TNIK: variants seen among roughly 807,000 people sequenced by gnomAD.
The protein encoded by TNIK is TRAF2 and NCK-interacting protein kinase.
In TNIK, 49 loss-of-function variants were observed where a neutral mutation model predicts 191.3. The observed-to-expected ratio is 0.26, with a 90% CI of 0.20 to 0.32. The LOEUF (loss-of-function observed/expected upper bound fraction) is 0.32, where lower values mean the gene tolerates loss of function less well. TNIK is among the 10% of genes least tolerant of loss of function. The pLI, the probability that TNIK is intolerant of heterozygous loss-of-function variation, is 1.00. For synonymous variants in TNIK, 594 were observed against 600.9 expected (o/e 0.99, Z 0.17); for missense variants, 1,155 against 1,702.3 (o/e 0.68, Z 5.66).
intron 7 of TNIK, among the ~76,000 whole-genome samples, chr3:171,181,571 CA>C (rs1281153866): frequency 6.6e-6 from 1 of 152,222 alleles, no homozygotes; most frequent in African/African-American, 2.4e-5. Flanking sequence ...GAGACATAAG[CA>C]AACATCTTCT....
At chr3:171,251,671 C>G (rs1286207526) in intron 2 of TNIK, among the ~76,000 whole-genome samples, 1 of 152,012 alleles carries the variant, frequency 6.6e-6, no homozygotes, top group Non-Finnish European at 1.5e-5. Flanking sequence ...AATAATGTAC[C>G]CAATTTTATT....
chr3:171,222,297 T>TG (rs1178609660), intron 3 of TNIK, among the ~76,000 whole-genome samples: 1 of 152,136 alleles, frequency 6.6e-6, no homozygotes, highest in Non-Finnish European at 1.5e-5. Flanking sequence ...CCATGAGGCT[T>TG]GGGCAAGTTT....
intron 4 of TNIK, among the ~76,000 whole-genome samples, chr3:171,196,824 G>A (rs892167729): frequency 2.0e-5 from 3 of 151,876 alleles, no homozygotes; most frequent in East Asian, 1.9e-4. Context: ...GCGCGATCTC[G>A]GCTCACTGCA....
chr3:171,324,824 C>T (rs980487728), intron 2 of TNIK, among the ~76,000 whole-genome samples: 3 of 152,038 alleles, frequency 2.0e-5, no homozygotes, highest in East Asian at 1.9e-4. Flanking sequence ...CAGGGCCGGG[C>T]GCGGTGGCTC....
At chr3:171,285,479 A>T (rs1349382891) in intron 2 of TNIK, among the ~76,000 whole-genome samples, 2 of 152,198 alleles carry the variant, frequency 1.3e-5, no homozygotes, top group African/African-American at 4.8e-5. Context: ...GCTGGATCCT[A>T]ATGCCAGCAG....
Position 171,062,447 on chromosome 3 carries a change from C to T in TNIK, c.*1434G>A, listed in dbSNP as rs780528816. 2.0e-5 allele frequency: 3 copies of T among 151,880 alleles called. No individual in the cohort carries two copies. The highest frequency in any genetic ancestry group is 2.4e-5 in the African/African-American group (1 of 41,362). 9.4% of individuals were successfully genotyped at this position (151,880 alleles called of 1,614,324 possible). A position where few individuals can be genotyped will look rare whatever the true frequency, so the allele number is the denominator to read the frequency against. On this transcript the variant is annotated 3_prime_UTR_variant, in exon 33 of 33. Transcript: ENST00000436636. The stretch of plus-strand genomic sequence containing the variant: ...AACACAGATATTGTTTGCAACACCT[C>T]GATACCACAGGCGGCCATGCTTGTA...
intron 2 of TNIK, among the ~76,000 whole-genome samples, chr3:171,248,323 A>C (rs1057231501): frequency 4.4e-4 from 67 of 152,334 alleles, no homozygotes; most frequent in African/African-American, 1.5e-3. Flanking sequence ...GGAACTGAGC[A>C]GGTACATACA....
intron 4 of TNIK, among the ~76,000 whole-genome samples, chr3:171,199,162 C>G (rs768218927): frequency 4.6e-5 from 7 of 151,802 alleles, no homozygotes; most frequent in Non-Finnish European, 1.0e-4. Context: ...TTCTTTTCCT[C>G]TCACTATGGA....
chr3:171,112,659 A>G (rs865805336), intron 18 of TNIK, among the ~76,000 whole-genome samples: 25 of 152,084 alleles, frequency 1.6e-4, no homozygotes, highest in Non-Finnish European at 2.1e-4. Flanking sequence ...TTTTGTATCT[A>G]TCTATAGAAG....
intron 18 of TNIK, among the ~76,000 whole-genome samples, chr3:171,111,869 G>A (rs767830031): frequency 6.6e-6 from 1 of 152,118 alleles, no homozygotes; most frequent in Admixed American, 6.5e-5. Flanking sequence ...TACAAATACC[G>A]AACTCATAGA....
At chr3:171,298,332 T>G (rs1027659298) in intron 2 of TNIK, among the ~76,000 whole-genome samples, 14 of 149,524 alleles carry the variant, frequency 9.4e-5, no homozygotes, top group Admixed American at 6.0e-4. Flanking sequence ...CAAATGGAAC[T>G]TTTTTTGCGA....
chr3:171,122,480 C>T (rs1256805034), intron 18 of TNIK, among the ~76,000 whole-genome samples: 1 of 152,186 alleles, frequency 6.6e-6, no homozygotes, highest in Non-Finnish European at 1.5e-5. Flanking sequence ...TCATTCAGAG[C>T]CTCTTGCAAT....
chr3:171,252,951 G>A (rs888449759), intron 2 of TNIK, among the ~76,000 whole-genome samples: 1 of 152,006 alleles, frequency 6.6e-6, no homozygotes, highest in Non-Finnish European at 1.5e-5. Flanking sequence ...TAGTTTTTTG[G>A]GGCCGAAGGA....
At chr3:171,191,307 G>A (rs9874144) in intron 5 of TNIK, among the ~76,000 whole-genome samples, 1 of 152,104 alleles carries the variant, frequency 6.6e-6, no homozygotes, top group South Asian at 2.1e-4. Flanking sequence ...GAGTGCAATG[G>A]CGTGGTCTGG....
At chr3:171,335,480 G>A (rs1362947812) in intron 2 of TNIK, among the ~76,000 whole-genome samples, 1 of 152,134 alleles carries the variant, frequency 6.6e-6, no homozygotes, top group African/African-American at 2.4e-5. Context: ...CATCCCTATA[G>A]TTTTGCCTTT....
intron 2 of TNIK, among the ~76,000 whole-genome samples, chr3:171,233,986 T>C (rs1331716436): frequency 6.6e-6 from 1 of 152,242 alleles, no homozygotes; most frequent in Non-Finnish European, 1.5e-5. Context: ...TCTTTTAAAC[T>C]CTACAGAGAG....
At chr3:171,361,663 G>C (rs1024239271) in intron 2 of TNIK, among the ~76,000 whole-genome samples, 1 of 152,022 alleles carries the variant, frequency 6.6e-6, no homozygotes, top group African/African-American at 2.4e-5. Flanking sequence ...AGATAATAAA[G>C]CCTGAGGATG....
chr3:171,107,888 C>T, intron 20 of TNIK, 177 bp downstream of exon 20: 1 of 541,150 alleles, frequency 1.8e-6, no homozygotes, highest in South Asian at 3.4e-5. Context: ...GGAGTCAATC[C>T]AAGATCTCTT....
chr3:171,210,067 G>A lies in TNIK; in HGVS notation c.306+1049C>T, dbSNP rs75571378. Among the ~76,000 whole-genome samples, 54 of 152,256 alleles carry A rather than the reference G, an allele frequency of 3.5e-4. 1 individual carries two copies. In the East Asian group the frequency reaches 0.01, roughly 29 times the overall value. On this transcript the variant is annotated intron_variant, in intron 4 of 32. Coordinates refer to ENST00000436636, the MANE Select transcript of TNIK (RefSeq NM_015028.4). The stretch of plus-strand genomic sequence containing the variant: ...GTGTTAGGCACATACAAAACCTCTG[G>A]AAAATGAGCAAGACAGTAAGAGGTT...
Sources: allele counts gnomAD v4.1 joint callset (sites outside exome capture counted in the v4.1 genomes callset), GRCh38; gene constraint gnomAD v4.1.1; transcripts MANE v1.5; gene names NCBI Gene and HGNC (gene_info 2026-07-23, HGNC 2026-07-21).